Variants in CEP120 observed in about 807,000 individuals in gnomAD.
CEP120 encodes the protein centrosomal protein 120.
Under a neutral mutation model 126.5 loss-of-function variants are expected in CEP120, and 113 were observed. The ratio of observed to expected loss-of-function variants is 0.89; its 90% CI spans 0.77 to 1.04. CEP120 has a LOEUF of 1.04. Ranked by LOEUF, CEP120 falls within the 50% of genes least tolerant of loss-of-function variation. CEP120 has a pLI of 0.00. For missense variants in CEP120, 1,230 were observed against 1,155.7 expected (o/e 1.06, Z -0.93); for synonymous variants, 400 against 394.3 (o/e 1.01, Z -0.17).
At chr5:123,382,357 G>A (rs1447864180) in intron 13 of CEP120, among the ~76,000 whole-genome samples, 157 bp from the exon 14 acceptor site, 1 of 147,866 alleles carries the variant, frequency 6.8e-6, no homozygotes, top group Non-Finnish European at 1.5e-5. Flanking sequence ...GAGGATGCCT[G>A]AGGCAAATAA....
chr5:123,382,930 C>G, intron 12 of CEP120, 41 bp from the exon 13 acceptor site: 1 of 1,608,270 alleles, frequency 6.2e-7, no homozygotes. Context: ...CACTCACACA[C>G]ATATGCACAT....
Position 123,382,052 on chromosome 5 carries a change from T to C in CEP120, c.2103+59A>G, listed in dbSNP as rs1040557304. The C allele has an allele frequency of 4.2e-6, 5 of 1,183,228 alleles. No individual in the cohort carries two copies. The African/African-American group carries it at 4.6e-5, about 11-fold the overall frequency. 73.3% of individuals were successfully genotyped at this position (1,183,228 alleles called of 1,614,324 possible). A position where few individuals can be genotyped will look rare whatever the true frequency, so the allele number is the denominator to read the frequency against. On this transcript the variant is annotated intron_variant, in intron 14 of 19. Transcript: ENST00000306467. ...TTCCAGAGACTGTCTTTAACGCAAA[T>C]ACAAGATATTATCATTAATATTCTT... is the stretch of plus-strand genomic sequence containing the variant.
intron 14 of CEP120, among the ~76,000 whole-genome samples, chr5:123,380,626 G>A (rs1771570968): frequency 6.6e-6 from 1 of 151,978 alleles, no homozygotes; most frequent in Non-Finnish European, 1.5e-5. Context: ...AATTTGTCAC[G>A]GTTCTAGTAA....
intron 5 of CEP120, among the ~76,000 whole-genome samples, chr5:123,398,240 GA>G (rs576526479): frequency 8.6e-4 from 130 of 150,596 alleles, no homozygotes; most frequent in East Asian, 3.3e-3. Flanking sequence ...GCAGAGGAGG[GA>G]AAAAAAAAGG....
At chr5:123,414,324 G>A (rs1774251053) in intron 3 of CEP120, among the ~76,000 whole-genome samples, 1 of 152,142 alleles carries the variant, frequency 6.6e-6, no homozygotes, top group African/African-American at 2.4e-5. Flanking sequence ...AAGATCTAGT[G>A]GCAGAGAGGC....
rs983963965 is a variant in CEP120, at chr5:123,361,993, T to G, written c.2580+2503A>C. Among the ~76,000 whole-genome samples, 4 of 151,734 alleles carry G rather than the reference T, an allele frequency of 2.6e-5. 1 individual carries two copies. The highest frequency in any genetic ancestry group is 2.0e-4 in the Admixed American group (3 of 15,164). ...TCCAGGGCCATGTTCTTAACTACTA[T>G]TTATGCTGCTTCTGATGGAGTTTAT... On this transcript the variant is annotated intron_variant, in intron 18 of 19. Coordinates refer to ENST00000306467, the MANE Select transcript of CEP120 (RefSeq NM_001375405.1).
At chr5:123,420,258 C>G (rs924766326) in intron 1 of CEP120, among the ~76,000 whole-genome samples, 1 of 152,182 alleles carries the variant, frequency 6.6e-6, no homozygotes, top group African/African-American at 2.4e-5. Flanking sequence ...TAACTAGCAG[C>G]TTCCAACAAG....
intron 4 of CEP120, among the ~76,000 whole-genome samples, chr5:123,399,504 T>C (rs1345441806): frequency 1.3e-5 from 2 of 152,246 alleles, no homozygotes; most frequent in African/African-American, 2.4e-5. Flanking sequence ...AGTAACATTT[T>C]TAAAACCTTA....
chr5:123,354,943 A>G (rs995311145), intron 18 of CEP120, among the ~76,000 whole-genome samples: 17 of 81,178 alleles, frequency 2.1e-4, no homozygotes, highest in African/African-American at 3.3e-4. Context: ...CACTCCCCCC[A>G]CCCCACAACA....
At chr5:123,397,664 A>T (rs1772875873) in intron 5 of CEP120, among the ~76,000 whole-genome samples, 1 of 152,258 alleles carries the variant, frequency 6.6e-6, no homozygotes, top group Non-Finnish European at 1.5e-5. Context: ...ATTCAGTGTG[A>T]CAAAGTAAAC....
At chr5:123,354,119 A>G (rs1009475914) in intron 18 of CEP120, among the ~76,000 whole-genome samples, 2 of 151,892 alleles carry the variant, frequency 1.3e-5, no homozygotes, top group African/African-American at 4.8e-5. Context: ...TATGTGCACT[A>G]TTTTTCAGTT....
chr5:123,355,942 A>ATTAAT, intron 18 of CEP120, among the ~76,000 whole-genome samples: 1 of 151,112 alleles, frequency 6.6e-6, no homozygotes, highest in Middle Eastern at 3.4e-3. Flanking sequence ...TCCATCTTGA[A>ATTAAT]TTAATTTTTG....
At chr5:123,349,312 G>C (rs978329374) in intron 19 of CEP120, among the ~76,000 whole-genome samples, 1 of 151,922 alleles carries the variant, frequency 6.6e-6, no homozygotes, top group Non-Finnish European at 1.5e-5. Context: ...CTTGAAAATG[G>C]TGAAAATATC....
chr5:123,417,480 T>C (rs1334977897), intron 2 of CEP120, among the ~76,000 whole-genome samples: 1 of 152,136 alleles, frequency 6.6e-6, no homozygotes, highest in East Asian at 1.9e-4. Flanking sequence ...TTTAAGTCTA[T>C]TTTATATACT....
At chr5:123,420,621 A>T (rs184100751) in intron 1 of CEP120, among the ~76,000 whole-genome samples, 13 of 152,312 alleles carry the variant, frequency 8.5e-5, no homozygotes, top group African/African-American at 2.9e-4. Context: ...ACACTGAAGG[A>T]CTTTAAGAAA....
intron 9 of CEP120, among the ~76,000 whole-genome samples, chr5:123,387,963 T>C (rs575092852): frequency 1.2e-4 from 19 of 152,026 alleles, no homozygotes; most frequent in Non-Finnish European, 2.4e-4. Flanking sequence ...ATTAGGAATA[T>C]GAGCTCCCAT....
intron 18 of CEP120, among the ~76,000 whole-genome samples, chr5:123,364,165 T>G (rs558560130): frequency 1.1e-4 from 17 of 151,642 alleles, no homozygotes; most frequent in Non-Finnish European, 1.9e-4. Flanking sequence ...TATCCTTAAA[T>G]TTCATCCTAA....
intron 18 of CEP120, 97 bp from the exon 19 acceptor site, chr5:123,350,186 C>T (rs1769111554): frequency 9.1e-7 from 1 of 1,093,920 alleles, no homozygotes; most frequent in Non-Finnish European, 1.3e-6. Flanking sequence ...TGACAACACC[C>T]ATGATATAGC....
In CEP120 at chr5:123,345,243, A is replaced by AT. The variant is rs1350268478; in HGVS notation, c.*1275dup. 6.6e-6 allele frequency: 1 copy of AT among 152,068 alleles called. No individual in the cohort carries two copies. Among genetic ancestry groups the AT allele is most frequent in the Non-Finnish European group, 1.5e-5 (1 of 67,986 alleles). The allele number at this position is 152,068 out of a possible 1,614,324, so 9.4% of individuals were successfully genotyped here. ...TTTCTTTATTATTTACTGCTGGGTT[A>AT]TTTTTTACTAGATTAATACTCTGTT... is the stretch of plus-strand genomic sequence containing the variant. On this transcript the variant is annotated 3_prime_UTR_variant, in exon 20 of 20. Coordinates refer to ENST00000306467, the MANE Select transcript of CEP120 (RefSeq NM_001375405.1).
Sources: allele counts gnomAD v4.1 joint callset (sites outside exome capture counted in the v4.1 genomes callset), GRCh38; gene constraint gnomAD v4.1.1; transcripts MANE v1.5; gene names NCBI Gene and HGNC (gene_info 2026-07-23, HGNC 2026-07-21).